Variants in TMEM178B observed in about 807,000 individuals in gnomAD.
TMEM178B encodes transmembrane protein 178B.
In TMEM178B, 5 loss-of-function variants were observed where a neutral mutation model predicts 31.0. The observed-to-expected ratio is 0.16, with a 90% CI of 0.08 to 0.34. The LOEUF is 0.34. Ranked by LOEUF, TMEM178B falls within the 10% of genes least tolerant of loss-of-function variation. The pLI is 1.00. For missense variants in TMEM178B, 275 were observed against 400.3 expected (o/e 0.69, Z 2.67); for synonymous variants, 164 against 164.0 (o/e 1.00, Z 0.00).
At chr7:141,491,611 C>G in the TMEM178B span, among the ~76,000 whole-genome samples, 3 of 152,024 alleles carry the variant, frequency 2.0e-5, no homozygotes, top group Non-Finnish European at 4.4e-5. Flanking sequence ...TACTATATAC[C>G]AATCACTTTA....
Position 141,294,923 on chromosome 7 carries a change from C to T in TMEM178B, c.496+82219C>T, listed in dbSNP as rs73737737. ...ACAGCCCTCACCTGTGAAGAGACATCAGGCAAACATGGGCCCTTTTCAATC... is the reference window on the plus strand; with the variant it reads ...ACAGCCCTCACCTGTGAAGAGACATTAGGCAAACATGGGCCCTTTTCAATC... On this transcript the variant is annotated intron_variant, in intron 2 of 3. Transcript: ENST00000565468. Among the ~76,000 whole-genome samples the T allele has an allele frequency of 2.7e-3, 418 of 152,280 alleles. 3 individuals carry two copies. Among genetic ancestry groups the T allele is most frequent in the African/African-American group, 9.4e-3 (392 of 41,552 alleles).
At chr7:141,322,904 A>G (rs1232395608) in intron 2 of TMEM178B, among the ~76,000 whole-genome samples, 1 of 152,146 alleles carries the variant, frequency 6.6e-6, no homozygotes, top group Non-Finnish European at 1.5e-5. Flanking sequence ...AAGAAACATT[A>G]ATTAGTGAGC....
At chr7:141,325,240 A>G (rs1248402876) in intron 2 of TMEM178B, among the ~76,000 whole-genome samples, 1 of 152,220 alleles carries the variant, frequency 6.6e-6, no homozygotes, top group Non-Finnish European at 1.5e-5. Flanking sequence ...CTAGACATGC[A>G]TCTTTGTGAA....
At chr7:141,463,043 G>T (rs139117064) in intron 3 of TMEM178B, among the ~76,000 whole-genome samples, 2 of 152,160 alleles carry the variant, frequency 1.3e-5, no homozygotes, top group East Asian at 3.9e-4. Flanking sequence ...GGTCTGCAGG[G>T]TGCTGCTGCT....
At chr7:141,130,330 C>A (rs111664174) in intron 1 of TMEM178B, among the ~76,000 whole-genome samples, 1 of 152,072 alleles carries the variant, frequency 6.6e-6, no homozygotes, top group Admixed American at 6.5e-5. Flanking sequence ...TAAGAATTTA[C>A]GGTTTGTAGG....
chr7:141,304,030 G>A (rs1025436964), intron 2 of TMEM178B, among the ~76,000 whole-genome samples: 1 of 152,158 alleles, frequency 6.6e-6, no homozygotes, highest in Admixed American at 6.5e-5. Context: ...TCAGGTTTTT[G>A]GATGTAAATT....
Position 141,201,154 on chromosome 7 carries a change from GTCGGCGCCATCCCC to G in TMEM178B, c.383-11432_383-11419del, listed in dbSNP as rs1275896199. Among the ~76,000 whole-genome samples, 6 of 152,304 alleles carry G rather than the reference GTCGGCGCCATCCCC, an allele frequency of 3.9e-5. No homozygotes were observed. In the East Asian group the frequency reaches 1.2e-3, roughly 29 times the overall value. On this transcript the variant is annotated intron_variant, in intron 1 of 3. Coordinates refer to ENST00000565468, the MANE Select transcript of TMEM178B (RefSeq NM_001195278.2). Reference sequence around the variant, plus strand: ...TAATAGCTTTGTTGGAGGAAACCACGTCGGCGCCATCCCCTCGGGTGACAGCACCGGCACACAGC... The same window carrying G: ...TAATAGCTTTGTTGGAGGAAACCACGTCGGGTGACAGCACCGGCACACAGC...
At chr7:141,084,637 G>A (rs1016466774) in intron 1 of TMEM178B, among the ~76,000 whole-genome samples, 3 of 152,034 alleles carry the variant, frequency 2.0e-5, no homozygotes, top group African/African-American at 7.3e-5. Flanking sequence ...TTGATAAGGT[G>A]GAATCTCAGC....
chr7:141,429,258 T>A (rs370879947), intron 2 of TMEM178B, among the ~76,000 whole-genome samples: 1 of 151,696 alleles, frequency 6.6e-6, no homozygotes, highest in East Asian at 1.9e-4. Flanking sequence ...AGACGTGGAA[T>A]CATATCACCT....
At position 141,074,233 on chromosome 7, in the gene TMEM178B, G is replaced by T. The variant is rs1221030182; in HGVS notation, c.-78G>T. 4.1e-5 allele frequency: 59 copies of T among 1,435,082 alleles called. No individual in the cohort carries two copies. The highest frequency in any genetic ancestry group is 2.3e-4 in the Middle Eastern group (1 of 4,292). 88.9% of individuals were successfully genotyped at this position (1,435,082 alleles called of 1,614,324 possible). A position where few individuals can be genotyped will look rare whatever the true frequency, so the allele number is the denominator to read the frequency against. On this transcript the variant is annotated 5_prime_UTR_variant, in exon 1 of 4. Coordinates refer to ENST00000565468, the MANE Select transcript of TMEM178B (RefSeq NM_001195278.2). The surrounding 1 kb of genome is among the most constrained non-coding windows in gnomAD (Gnocchi z 5.1). Reference sequence around the variant, plus strand: ...GCCCCCTCCCCCAGCTCGGCCGCCCGCCGCTTTGTTCCGGGTGCGGCGAGG... The same window carrying T: ...GCCCCCTCCCCCAGCTCGGCCGCCCTCCGCTTTGTTCCGGGTGCGGCGAGG...
At chr7:141,401,876 C>T (rs954240186) in intron 2 of TMEM178B, among the ~76,000 whole-genome samples, 2 of 152,170 alleles carry the variant, frequency 1.3e-5, no homozygotes, top group African/African-American at 4.8e-5. Context: ...ATCGAACCAA[C>T]GTGCACTCCC....
chr7:141,331,335 C>T (rs7776584), intron 2 of TMEM178B, among the ~76,000 whole-genome samples: 2 of 151,936 alleles, frequency 1.3e-5, no homozygotes, highest in Non-Finnish European at 2.9e-5. Flanking sequence ...TGATCAGGGA[C>T]GAGCAGCAAA....
chr7:141,224,795 T>C (rs1300063004), intron 2 of TMEM178B, among the ~76,000 whole-genome samples: 1 of 152,176 alleles, frequency 6.6e-6, no homozygotes, highest in Non-Finnish European at 1.5e-5. Flanking sequence ...GTGGGTGCGA[T>C]GACACCCCTT....
At chr7:141,134,572 A>G (rs1353100835) in intron 1 of TMEM178B, among the ~76,000 whole-genome samples, 6 of 152,308 alleles carry the variant, frequency 3.9e-5, no homozygotes, top group African/African-American at 1.4e-4. Context: ...TACCAATACA[A>G]AAAACCACCA....
At chr7:141,088,486 C>G (rs1487721207) in intron 1 of TMEM178B, among the ~76,000 whole-genome samples, 1 of 152,170 alleles carries the variant, frequency 6.6e-6, no homozygotes, top group Non-Finnish European at 1.5e-5. Flanking sequence ...CTCTTTCTCA[C>G]TCTTCACCTT....
At chr7:141,147,742 G>A (rs915179337) in intron 1 of TMEM178B, among the ~76,000 whole-genome samples, 1 of 152,214 alleles carries the variant, frequency 6.6e-6, no homozygotes, top group African/African-American at 2.4e-5. Flanking sequence ...GACAGGTTGT[G>A]GGGGAGTGGG....
At chr7:141,508,268 C>G in the TMEM178B span, among the ~76,000 whole-genome samples, 1 of 152,202 alleles carries the variant, frequency 6.6e-6, no homozygotes, top group African/African-American at 2.4e-5. Flanking sequence ...TAAAACATAA[C>G]AAGAGTCACC....
chr7:141,431,601 C>T (rs1204088204), intron 2 of TMEM178B, among the ~76,000 whole-genome samples: 2 of 152,176 alleles, frequency 1.3e-5, no homozygotes, highest in Non-Finnish European at 2.9e-5. Flanking sequence ...TGACATGATT[C>T]GTGAGGAGAT....
chr7:141,441,719 C>T (rs1266295879), intron 3 of TMEM178B, among the ~76,000 whole-genome samples: 2 of 152,104 alleles, frequency 1.3e-5, no homozygotes, highest in Non-Finnish European at 2.9e-5. Context: ...ACTGCCAAGG[C>T]CAACATGAAA....
Sources: gnomAD v4.1 joint callset for allele counts (sites outside exome capture counted in the v4.1 genomes callset) on GRCh38, gnomAD v4.1.1 for gene constraint, Gnocchi (gnomAD v3.1) non-coding constraint, MANE v1.5 for transcripts, NCBI Gene and HGNC (gene_info 2026-07-23, HGNC 2026-07-21) for gene names.